PCDHGA7: variants seen among roughly 807,000 people sequenced by gnomAD.
PCDHGA7 encodes protocadherin gamma subfamily A, 7.
Under a neutral mutation model 58.3 loss-of-function variants are expected in PCDHGA7, and 44 were observed. The ratio of observed to expected loss-of-function variants is 0.75; its 90% CI spans 0.59 to 0.97. The LOEUF is 0.97. Ranked by LOEUF, PCDHGA7 falls within the 50% of genes least tolerant of loss-of-function variation. PCDHGA7 has a pLI of 0.00. For synonymous variants in PCDHGA7, 516 were observed against 504.2 expected (o/e 1.02, Z -0.31); for missense variants, 1,266 against 1,188.7 (o/e 1.06, Z -0.96).
intron 1 of PCDHGA7, chr5:141,430,857 A>C (rs748992376): frequency 1.9e-6 from 3 of 1,591,316 alleles, no homozygotes; most frequent in Non-Finnish European, 2.6e-6. Flanking sequence ...CAGATACGCT[A>C]TTCAGTTCCG....
rs73794918 is a variant in PCDHGA7, at chr5:141,443,711, A to G, written c.2425-51096A>G. On this transcript the variant is annotated intron_variant, in intron 1 of 3. Coordinates refer to ENST00000518325, the MANE Select transcript of PCDHGA7 (RefSeq NM_018920.4). ...TCAAAAATTATAGAATAACATTTGC[A>G]TATAAAATTCCTCATACATTTCCCT... 9.8e-3 allele frequency among the ~76,000 whole-genome samples: 1,497 copies of G among 152,340 alleles called. 25 individuals are homozygous for G. Among genetic ancestry groups the G allele is most frequent in the African/African-American group, 0.033 (1,382 of 41,580 alleles).
intron 1 of PCDHGA7, chr5:141,414,538 A>C: frequency 1.2e-6 from 2 of 1,613,882 alleles, no homozygotes; most frequent in Non-Finnish European, 1.7e-6. Flanking sequence ...CAACCCACCT[A>C]CCTTCTCTCA....
Position 141,487,289 on chromosome 5 carries a change from G to A in PCDHGA7, c.2425-7518G>A. The A allele has an allele frequency of 1.2e-6, 2 of 1,614,096 alleles. No individual in the cohort carries two copies. The highest frequency in any genetic ancestry group is 1.7e-6 in the Non-Finnish European group (2 of 1,180,024). On this transcript the variant is annotated intron_variant, in intron 1 of 3. Coordinates refer to ENST00000518325, the MANE Select transcript of PCDHGA7 (RefSeq NM_018920.4). The surrounding 1 kb of genome is among the most constrained non-coding windows in gnomAD (Gnocchi z 5.0). ...AGTGGCAATTTGCTTTGTCTCCTTTGGCTCATTCGTGGCACTACTCTCTAA... is the reference window on the plus strand; with the variant it reads ...AGTGGCAATTTGCTTTGTCTCCTTTAGCTCATTCGTGGCACTACTCTCTAA...
intron 1 of PCDHGA7, chr5:141,418,168 G>T (rs2096233804): frequency 6.2e-7 from 1 of 1,613,946 alleles, no homozygotes. Context: ...GAAGATGTGA[G>T]TTGCAATTGG....
intron 1 of PCDHGA7, chr5:141,387,894 G>C: frequency 1.9e-6 from 3 of 1,540,604 alleles, no homozygotes; most frequent in Non-Finnish European, 8.7e-7. Context: ...GATGGGGAGC[G>C]GCGCCGGGGA....
intron 1 of PCDHGA7, chr5:141,415,772 T>TA (rs763083459): frequency 1.1e-5 from 15 of 1,332,970 alleles, no homozygotes; most frequent in Non-Finnish European, 1.3e-5. Flanking sequence ...TTTTTTTTTT[T>TA]ACTTTCTGGT....
intron 1 of PCDHGA7, chr5:141,427,535 C>T (rs746067304): frequency 8.0e-6 from 5 of 626,498 alleles, no homozygotes; most frequent in South Asian, 7.6e-5. Flanking sequence ...CGGAGTACAA[C>T]GTCACCATCA....
At chr5:141,385,495 T>C (rs1781231622) in intron 1 of PCDHGA7, 172 bp downstream of exon 1, 3 of 1,391,864 alleles carry the variant, frequency 2.2e-6, no homozygotes, top group African/African-American at 2.9e-5. Flanking sequence ...ACATAGGATA[T>C]AGTATTTCTT....
chr5:141,389,397 A>G (rs1196356712), intron 1 of PCDHGA7: 2 of 1,613,688 alleles, frequency 1.2e-6, no homozygotes, highest in Admixed American at 3.3e-5. Context: ...CTACGTGTCC[A>G]TAAGCGCGGA....
chr5:141,456,536 G>A (rs1231730255), intron 1 of PCDHGA7, among the ~76,000 whole-genome samples: 1 of 152,158 alleles, frequency 6.6e-6, no homozygotes, highest in Non-Finnish European at 1.5e-5. Flanking sequence ...AATTAAAGAG[G>A]GATTGTAGCC....
At chr5:141,415,650 A>G in intron 1 of PCDHGA7, 1 of 1,597,054 alleles carries the variant, frequency 6.3e-7, no homozygotes, top group Non-Finnish European at 8.5e-7. Context: ...TTAAAAAAAA[A>G]AAGATTGGTT....
rs760572189 is a variant in PCDHGA7 at position 141,477,159 on chromosome 5, A to G, written c.2425-17648A>G. ...GTGGAGGTTGTGGATGTGAATGACA[A>G]CGCCCCGGAGATCACAGTCACCTCC... is the stretch of plus-strand genomic sequence containing the variant. On this transcript the variant is annotated intron_variant, in intron 1 of 3. Transcript: ENST00000518325. The surrounding 1 kb of genome is among the most constrained non-coding windows in gnomAD (Gnocchi z 4.9). The G allele has an allele frequency of 1.7e-5, 28 of 1,613,854 alleles. No individual in the cohort carries two copies. In the South Asian group the frequency reaches 3.1e-4, roughly 18 times the overall value.
rs1262991038 is a variant in PCDHGA7, at chr5:141,384,550, T to C, written c.1651T>C (p.Phe551Leu). The C allele has an allele frequency of 6.2e-7, 1 of 1,614,220 alleles. No individual in the cohort carries two copies. The highest frequency in any genetic ancestry group is 8.5e-7 in the Non-Finnish European group (1 of 1,180,024). The change falls in exon 1 of 4, where the codon TTC (phenylalanine) becomes CTC (leucine). Residue 551 changes from phenylalanine to leucine, a missense_variant. Coordinates refer to ENST00000518325, the MANE Select transcript of PCDHGA7 (RefSeq NM_018920.4). ...CAGCAGCAACATGTCACTGAGCCTG[T>C]TCGTGCTGGACCAGAATGACAACCC... is the stretch of plus-strand genomic sequence containing the variant. ...PLSSNMSLSL[F>L]VLDQNDNPPE...
intron 1 of PCDHGA7, chr5:141,387,734 T>C: frequency 7.7e-7 from 1 of 1,302,214 alleles, no homozygotes; most frequent in East Asian, 2.5e-5. Context: ...GCGCCAGCCT[T>C]TACACCGCTT....
rs773858539 is a variant in PCDHGA7 at position 141,383,689 on chromosome 5, G to T, written c.790G>T (p.Val264Leu). ...NVPVGTRLLTVHAIDLDEGVN... is the reference protein window; with the variant it reads ...NVPVGTRLLTLHAIDLDEGVN... Reference sequence around the variant, plus strand: ...GCCAGTGGGTACAAGACTGCTCACGGTACATGCTATCGACCTGGACGAGGG... The same window carrying T: ...GCCAGTGGGTACAAGACTGCTCACGTTACATGCTATCGACCTGGACGAGGG... The change falls in exon 1 of 4, where the codon GTA becomes TTA. Residue 264 changes from valine (V) to leucine (L), a missense_variant. By Grantham distance (32) the Val-to-Leu change is conservative (BLOSUM62 1). Coordinates refer to ENST00000518325, the MANE Select transcript of PCDHGA7 (RefSeq NM_018920.4). 1.9e-6 allele frequency: 3 copies of T among 1,614,036 alleles called. No homozygotes were observed. Among genetic ancestry groups the T allele is most frequent in the Non-Finnish European group, 2.5e-6 (3 of 1,179,902 alleles).
Position 141,421,742 on chromosome 5 carries a change from A to G in PCDHGA7, c.2424+36419A>G, listed in dbSNP as rs772984365. The stretch of plus-strand genomic sequence containing the variant: ...GGCGTGAACTCCCTCCAGAGCTACC[A>G]GCTCAGCCCTAATAATTACTTTTCC... On this transcript the variant is annotated intron_variant, in intron 1 of 3. Transcript: ENST00000518325. The G allele has an allele frequency of 4.3e-6, 7 of 1,613,826 alleles. No individual in the cohort carries two copies. The East Asian group carries it at 1.3e-4, about 31-fold the overall frequency.
chr5:141,420,293 A>T (rs1478341095), intron 1 of PCDHGA7: 1 of 1,485,484 alleles, frequency 6.7e-7, no homozygotes, highest in Admixed American at 2.2e-5. Context: ...TTAAAAATGT[A>T]TTTAATCCTT....
chr5:141,467,084 A>T, intron 1 of PCDHGA7, among the ~76,000 whole-genome samples: 1 of 142,674 alleles, frequency 7.0e-6, no homozygotes, highest in African/African-American at 2.6e-5. Context: ...ACCAAGTCTC[A>T]CTCTGTCACA....
Position 141,485,863 on chromosome 5 carries a change from A to G in PCDHGA7, c.2425-8944A>G, listed in dbSNP as rs770864367. 78 of 1,614,054 alleles carry G rather than the reference A, an allele frequency of 4.8e-5. No individual in the cohort carries two copies. Among genetic ancestry groups the G allele is most frequent in the Non-Finnish European group, 6.0e-5 (71 of 1,180,040 alleles). ...GATCTGGCACCGCAGAGCTCCGGGT[A>G]TCCGTGCTGGACGTAAACGACAACG... On this transcript the variant is annotated intron_variant, in intron 1 of 3. Coordinates refer to ENST00000518325, the MANE Select transcript of PCDHGA7 (RefSeq NM_018920.4). The surrounding 1 kb of genome is among the most constrained non-coding windows in gnomAD (Gnocchi z 5.7).
Sources: allele counts gnomAD v4.1 joint callset (sites outside exome capture counted in the v4.1 genomes callset), GRCh38; gene constraint gnomAD v4.1.1; non-coding constraint Gnocchi (gnomAD v3.1); transcripts MANE v1.5; gene names NCBI Gene and HGNC (gene_info 2026-07-23, HGNC 2026-07-21).